Variants in COL6A2 observed in about 807,000 individuals in gnomAD.
The protein encoded by COL6A2 is collagen type VI alpha 2 chain.
COL6A2 carries 90 observed loss-of-function variants against 124.9 expected under a neutral mutation model. The ratio of observed to expected loss-of-function variants is 0.72; its 90% CI spans 0.61 to 0.86. The LOEUF is 0.86. COL6A2 is among the 40% of genes least tolerant of loss of function. COL6A2 has a pLI of 0.00. For missense variants in COL6A2, 1,607 were observed against 1,502.5 expected, an observed-to-expected ratio of 1.07 and a Z score of -1.15; for synonymous variants, 793 against 618.2, an observed-to-expected ratio of 1.28 and a Z score of -4.19.
intron 23 of COL6A2, 59 bp downstream of exon 23, chr21:46,124,979 G>A (rs1458950491): frequency 4.4e-6 from 7 of 1,598,002 alleles, no homozygotes; most frequent in Non-Finnish European, 2.6e-6. Context: ...GACACCAAGA[G>A]CAGCAGGGGT....
At chr21:46,118,725 C>T (rs1338962177) in intron 13 of COL6A2, 49 bp downstream of exon 13, 2 of 1,568,798 alleles carry the variant, frequency 1.3e-6, no homozygotes, top group South Asian at 1.2e-5. Flanking sequence ...CACACTCACG[C>T]CCATGGCCCA....
chr21:46,129,360 T>C (rs779253415), intron 27 of COL6A2: 1 of 1,612,912 alleles, frequency 6.2e-7, no homozygotes, highest in Non-Finnish European at 8.5e-7. Flanking sequence ...CGTGCTGGTC[T>C]ACACCGCCGA....
chr21:46,122,869 T>G lies in COL6A2; in HGVS notation c.1609-6T>G. On this transcript the variant is annotated splice_region_variant and splice_polypyrimidine_tract_variant and intron_variant, in intron 20 of 27. Coordinates refer to ENST00000300527, the MANE Select transcript of COL6A2 (RefSeq NM_001849.4). ...GTCCCAGGCTAACATGTGTTCCCTGTCACAGGGAGGCCGAGGCGACTTTGG... is the reference window on the plus strand; with the variant it reads ...GTCCCAGGCTAACATGTGTTCCCTGGCACAGGGAGGCCGAGGCGACTTTGG... 2 of 1,613,092 alleles carry G rather than the reference T, an allele frequency of 1.2e-6. No individual in the cohort carries two copies. Among genetic ancestry groups the G allele is most frequent in the Middle Eastern group, 1.7e-4 (1 of 6,060 alleles).
At chr21:46,107,709 G>A (rs1307998976) in intron 1 of COL6A2, among the ~76,000 whole-genome samples, 1 of 152,110 alleles carries the variant, frequency 6.6e-6, no homozygotes. Context: ...ATGATCCCAG[G>A]TCTTTAGACA....
intron 1 of COL6A2, among the ~76,000 whole-genome samples, chr21:46,107,834 G>A (rs916145423): frequency 2.6e-5 from 4 of 152,140 alleles, no homozygotes; most frequent in Admixed American, 2.6e-4. Flanking sequence ...TTTCTTAAAT[G>A]TATTTGATTG....
Position 46,116,489 on chromosome 21 carries a change from C to T in COL6A2, c.927+86C>T, listed in dbSNP as rs2078472277. The T allele has an allele frequency of 6.3e-7, 1 of 1,587,124 alleles. No homozygotes were observed. The highest frequency in any genetic ancestry group is 2.2e-5 in the East Asian group (1 of 44,532). On this transcript the variant is annotated intron_variant, in intron 8 of 27. Transcript: ENST00000300527. This position sits in a 1 kb window ranked among gnomAD's most constrained non-coding sequence, Gnocchi z 4.6. ...TGGCGTCCGCCGCAGCCTGTCACTG[C>T]TCCTGGGGCACCGGCCTGGTCTTTT...
In COL6A2 at chr21:46,122,882, G is replaced by A. The variant is rs768933697; in HGVS notation, c.1616G>A (p.Arg539Gln). 56 of 1,613,200 alleles carry A rather than the reference G, an allele frequency of 3.5e-5. No homozygotes were observed. Among genetic ancestry groups the A allele is most frequent in the Admixed American group, 8.3e-5 (5 of 59,992 alleles). The change falls in exon 21 of 28, where the codon CGA (arginine) becomes CAA (glutamine). Residue 539 changes from arginine to glutamine, a missense_variant. Physicochemically the swap from Arg to Gln is conservative, Grantham distance 43 (BLOSUM62 1). This residue lies in a region of COL6A2 where 1,223 missense variants were observed against 1,052.2 expected (regional missense o/e 1.16). Coordinates refer to ENST00000300527, the MANE Select transcript of COL6A2 (RefSeq NM_001849.4). ...EPGPRGPEGG[R>Q]GDFGLKGEPG... ...ATGTGTTCCCTGTCACAGGGAGGCC[G>A]AGGCGACTTTGGCTTGAAAGGAGAA...
In COL6A2 at chr21:46,122,980, C is replaced by T. The variant is rs1051758907; in HGVS notation, c.1671+43C>T. On this transcript the variant is annotated intron_variant, in intron 21 of 27. Transcript: ENST00000300527. ...GAAGCCCACAGCAGCTGGGCAGAGG[C>T]AGGGAGGGGCCCTGAGGCTGAGCGT... The T allele has an allele frequency of 3.8e-6, 6 of 1,581,872 alleles. No homozygotes were observed. The African/African-American group carries it at 8.1e-5, about 21-fold the overall frequency.
chr21:46,116,223 G>A lies in COL6A2; in HGVS notation c.901-154G>A, dbSNP rs1419026646. Reference sequence around the variant, plus strand: ...CGTCCCAAAACCCAGCCTCCAGCCCGACCCAGGGCTCAGCCTCCTCCGCAG... The same window carrying A: ...CGTCCCAAAACCCAGCCTCCAGCCCAACCCAGGGCTCAGCCTCCTCCGCAG... On this transcript the variant is annotated intron_variant, in intron 7 of 27. Coordinates refer to ENST00000300527, the MANE Select transcript of COL6A2 (RefSeq NM_001849.4). This position sits in a 1 kb window ranked among gnomAD's most constrained non-coding sequence, Gnocchi z 4.6. Among the ~76,000 whole-genome samples the A allele has an allele frequency of 1.3e-5, 2 of 151,838 alleles. No homozygotes were observed. Among genetic ancestry groups the A allele is most frequent in the Admixed American group, 6.5e-5 (1 of 15,274 alleles).
intron 19 of COL6A2, 31 bp downstream of exon 19, chr21:46,122,189 G>A (rs1363198722): frequency 6.2e-7 from 1 of 1,609,844 alleles, no homozygotes; most frequent in East Asian, 2.2e-5. Flanking sequence ...GCAGCTCCCA[G>A]GAGTGGGTGG....
Position 46,126,177 on chromosome 21 carries a change from C to A in COL6A2, c.2362C>A (p.Leu788Met), listed in dbSNP as rs1235087612. The change falls in exon 26 of 28, where the codon CTG (leucine) becomes ATG (methionine). Residue 788 changes from leucine (L) to methionine (M), a missense_variant. Leu to Met is a conservative substitution (Grantham distance 15). This residue lies in a region of COL6A2 where 1,223 missense variants were observed against 1,052.2 expected (regional missense o/e 1.16). Transcript: ENST00000300527. Reference sequence around the variant, plus strand: ...GCCACAGCAGGTGCGCAACATGACGCTGTTCTCCGACCTGGTCGCTGAGAA... The same window carrying A: ...GCCACAGCAGGTGCGCAACATGACGATGTTCTCCGACCTGGTCGCTGAGAA... ...DKPQQVRNMT[L>M]FSDLVAEKFI... 3.7e-6 allele frequency: 6 copies of A among 1,607,552 alleles called. No individual in the cohort carries two copies. Among genetic ancestry groups the A allele is most frequent in the Non-Finnish European group, 4.2e-6 (5 of 1,179,962 alleles).
rs2078763864 is a variant in COL6A2, at chr21:46,131,838, A to T, written c.2462-116A>T. 4.1e-6 allele frequency: 4 copies of T among 978,830 alleles called. No individual in the cohort carries two copies. The South Asian group carries it at 5.7e-5, about 14-fold the overall frequency. The allele number at this position is 978,830 out of a possible 1,614,324, so 60.6% of individuals were successfully genotyped here. A position where few individuals can be genotyped will look rare whatever the true frequency, so the allele number is the denominator to read the frequency against. ...CTGCAGAAACGCCCCCGCAGAGCCC[A>T]GTGGTCTGTGAGGTTGCAGGCAGGG... On this transcript the variant is annotated intron_variant, in intron 27 of 27. Transcript: ENST00000300527.
At chr21:46,123,985 A>G (rs1272764722) in intron 21 of COL6A2, among the ~76,000 whole-genome samples, 4 of 126,198 alleles carry the variant, frequency 3.2e-5, no homozygotes, top group East Asian at 2.7e-4. Flanking sequence ...GAGTGGGGGG[A>G]TGGGTAGGTG....
At chr21:46,126,568 C>T (rs769069755) in intron 27 of COL6A2, 27 bp downstream of exon 27, 10 of 1,613,074 alleles carry the variant, frequency 6.2e-6, no homozygotes, top group Non-Finnish European at 7.6e-6. Flanking sequence ...TGAGCCACCA[C>T]CCCAGACTAG....
chr21:46,103,872 T>A (rs2078311518), intron 1 of COL6A2, among the ~76,000 whole-genome samples: 1 of 152,268 alleles, frequency 6.6e-6, no homozygotes, highest in Non-Finnish European at 1.5e-5. Context: ...TTTAAAGGGC[T>A]GGCACCCTTT....
intron 13 of COL6A2, 138 bp downstream of exon 13, chr21:46,118,814 G>A: frequency 1.7e-6 from 2 of 1,155,912 alleles, no homozygotes; most frequent in Non-Finnish European, 2.5e-6. Flanking sequence ...GGAGGGACAG[G>A]AAGAACAGGC....
At position 46,126,206 on chromosome 21, in the gene COL6A2, C is replaced by G. The variant is rs750957331; in HGVS notation, c.2391C>G (p.Phe797Leu). 6.2e-7 allele frequency: 1 copy of G among 1,601,768 alleles called. No individual in the cohort carries two copies. The highest frequency in any genetic ancestry group is 1.7e-5 in the Admixed American group (1 of 60,020). ...TCTCCGACCTGGTCGCTGAGAAGTT[C>G]ATCGATGACATGGAGGACGTCCTCT... ...TLFSDLVAEK[F>L]IDDMEDVLCP... Residue 797 changes from phenylalanine to leucine, a missense_variant, in exon 26 of 28, where the codon TTC becomes TTG. Transcript: ENST00000300527.
Position 46,116,923 on chromosome 21 carries a change from G to GCA in COL6A2, c.999+110_999+111dup. ...TGTCAGCTTACACATGTGTACACAC[G>GCA]CATACACACACACACACACACACAC... is the stretch of plus-strand genomic sequence containing the variant. On this transcript the variant is annotated intron_variant, in intron 10 of 27. Coordinates refer to ENST00000300527, the MANE Select transcript of COL6A2 (RefSeq NM_001849.4). This position sits in a 1 kb window ranked among gnomAD's most constrained non-coding sequence, Gnocchi z 4.6. 1.2e-5 allele frequency: 8 copies of GCA among 643,320 alleles called. No individual in the cohort carries two copies. The highest frequency in any genetic ancestry group is 3.3e-5 in the South Asian group (2 of 60,472). 39.9% of individuals were successfully genotyped at this position (643,320 alleles called of 1,614,324 possible).
At chr21:46,121,909 C>T (rs1039199114) in intron 18 of COL6A2, among the ~76,000 whole-genome samples, 199 bp from the exon 19 acceptor site, 9 of 152,100 alleles carry the variant, frequency 5.9e-5, no homozygotes, top group East Asian at 1.9e-4. Flanking sequence ...GGGCAGGCTT[C>T]GGGTCTCTAG....
Sources: gnomAD v4.1 joint callset for allele counts (sites outside exome capture counted in the v4.1 genomes callset) on GRCh38, gnomAD v4.1.1 for gene constraint, gnomAD v4.1.1 regional missense constraint, Gnocchi (gnomAD v3.1) non-coding constraint, MANE v1.5 for transcripts, NCBI Gene and HGNC (gene_info 2026-07-23, HGNC 2026-07-21) for gene names.